Variants in MGAT4C observed in about 807,000 individuals in gnomAD.
MGAT4C encodes the protein alpha-1,3-mannosyl-glycoprotein 4-beta-N-acetylglucosaminyltransferase C.
A neutral mutation model predicts 40.1 loss-of-function variants in MGAT4C; 19 were observed. The observed-to-expected ratio is 0.47, with a 90% CI of 0.33 to 0.70. MGAT4C has a LOEUF of 0.70. Among genes scored for constraint, MGAT4C ranks in the 30% least tolerant of loss-of-function variants. The pLI is 0.02. For missense variants in MGAT4C, 491 were observed against 563.2 expected, an observed-to-expected ratio of 0.87 and a Z score of 1.30; for synonymous variants, 181 against 187.1, an observed-to-expected ratio of 0.97 and a Z score of 0.27.
At chr12:86,567,591 A>G (rs1317794038) in intron 2 of MGAT4C, among the ~76,000 whole-genome samples, 1 of 152,278 alleles carries the variant, frequency 6.6e-6, no homozygotes, top group South Asian at 2.1e-4. Context: ...AGCCCACTCC[A>G]GGCAGGACTA....
intron 2 of MGAT4C, among the ~76,000 whole-genome samples, chr12:86,701,470 A>C (rs559068540): frequency 1.3e-5 from 2 of 152,266 alleles, no homozygotes; most frequent in Non-Finnish European, 2.9e-5. Context: ...TACCCATATA[A>C]GACAGTAAAC....
chr12:86,730,583 A>C (rs1328827329), intron 1 of MGAT4C, among the ~76,000 whole-genome samples: 1 of 152,100 alleles, frequency 6.6e-6, no homozygotes, highest in Non-Finnish European at 1.5e-5. Flanking sequence ...TATTGACATA[A>C]AAAGATCAGA....
At chr12:86,611,973 C>A (rs1962297384) in intron 2 of MGAT4C, among the ~76,000 whole-genome samples, 1 of 152,016 alleles carries the variant, frequency 6.6e-6, no homozygotes, top group Non-Finnish European at 1.5e-5. Context: ...GTGGAAACAT[C>A]AGGAAAAAGC....
chr12:86,466,518 G>A (rs1429522423), intron 2 of MGAT4C, among the ~76,000 whole-genome samples: 1 of 152,188 alleles, frequency 6.6e-6, no homozygotes, highest in African/African-American at 2.4e-5. Flanking sequence ...AAAAAGTCAG[G>A]TGATTGCCAG....
At position 86,501,901 on chromosome 12, in the gene MGAT4C, G is replaced by A. The variant is rs562744390; in HGVS notation, c.-228-66636C>T. The stretch of plus-strand genomic sequence containing the variant: ...ATGATATTTCTATTTCTAAATCTTC[G>A]AGGAATTGCCACACTGTCTACCATA... On this transcript the variant is annotated intron_variant, in intron 2 of 7. Transcript: ENST00000548651. Among the ~76,000 whole-genome samples, 9 of 152,028 alleles carry A rather than the reference G, an allele frequency of 5.9e-5. No individual in the cohort carries two copies. The East Asian group carries it at 1.7e-3, about 29-fold the overall frequency.
intron 2 of MGAT4C, among the ~76,000 whole-genome samples, chr12:86,497,941 T>C (rs1160356578): frequency 6.9e-6 from 1 of 145,004 alleles, no homozygotes; most frequent in Non-Finnish European, 1.5e-5. Context: ...TAATATTATA[T>C]ATAATATATA....
chr12:86,344,223 T>G (rs1025044257), intron 3 of MGAT4C, among the ~76,000 whole-genome samples: 1 of 152,212 alleles, frequency 6.6e-6, no homozygotes, highest in Non-Finnish European at 1.5e-5. Context: ...ATGGATGGAC[T>G]CAATACATTT....
intron 1 of MGAT4C, among the ~76,000 whole-genome samples, chr12:86,150,211 A>G (rs1356397679): frequency 6.6e-6 from 1 of 152,178 alleles, no homozygotes; most frequent in African/African-American, 2.4e-5. Flanking sequence ...CTTACAAGAC[A>G]TGAACAGACA....
chr12:86,807,986 A>C (rs914870908), intron 1 of MGAT4C, among the ~76,000 whole-genome samples: 1 of 146,538 alleles, frequency 6.8e-6, no homozygotes, highest in Non-Finnish European at 1.5e-5. Context: ...TTTTCTTATA[A>C]ATTTGTTTAA....
intron 2 of MGAT4C, among the ~76,000 whole-genome samples, chr12:86,439,567 AC>A (rs1957192854): frequency 6.6e-6 from 1 of 152,098 alleles, no homozygotes; most frequent in Admixed American, 6.6e-5. Flanking sequence ...ACCACAAGAA[AC>A]TACATAAACA....
rs533018022 is a variant in MGAT4C, at chr12:86,605,411, T to C, written c.-229+121798A>G. Among the ~76,000 whole-genome samples the C allele has an allele frequency of 3.9e-5, 6 of 152,152 alleles. No individual in the cohort carries two copies. The South Asian group carries it at 8.3e-4, about 21-fold the overall frequency. ...CGATGAGTAAACATGACCACTGGCA[T>C]ATGTAGATCAACTCGGCAGCCTGTT... On this transcript the variant is annotated intron_variant, in intron 2 of 7. Coordinates refer to the MGAT4C transcript ENST00000548651.
At chr12:86,172,304 C>T (rs1013338762) in intron 1 of MGAT4C, among the ~76,000 whole-genome samples, 1 of 152,100 alleles carries the variant, frequency 6.6e-6, no homozygotes, top group African/African-American at 2.4e-5. Context: ...TAAATTTCTT[C>T]ATCTACATAA....
At chr12:86,467,336 A>G (rs1957696101) in intron 2 of MGAT4C, among the ~76,000 whole-genome samples, 1 of 152,066 alleles carries the variant, frequency 6.6e-6, no homozygotes, top group South Asian at 2.1e-4. Flanking sequence ...ACAACAAATT[A>G]AACAAAAAAT....
chr12:86,299,459 T>C (rs1037171036), intron 4 of MGAT4C, among the ~76,000 whole-genome samples: 1 of 152,176 alleles, frequency 6.6e-6, no homozygotes, highest in Admixed American at 6.5e-5. Context: ...CTTTTATATA[T>C]TGGTAAATAA....
In MGAT4C at chr12:85,956,323, T is replaced by G. The variant is rs1882790678; in HGVS notation, c.*22966A>C. The G allele has an allele frequency of 6.6e-6, 1 of 152,212 alleles. No homozygotes were observed. Among genetic ancestry groups the G allele is most frequent in the Non-Finnish European group, 1.5e-5 (1 of 68,022 alleles). 9.4% of individuals were successfully genotyped at this position (152,212 alleles called of 1,614,324 possible). On this transcript the variant is annotated 3_prime_UTR_variant, in exon 5 of 5. Transcript: ENST00000611864. ...AAACTGAAAGTGTTGATTTATTTAT[T>G]ACTTGGTTTTGTTGAAAAAACTAGG...
At chr12:86,462,697 G>A (rs942888124) in intron 2 of MGAT4C, among the ~76,000 whole-genome samples, 15 of 152,144 alleles carry the variant, frequency 9.9e-5, no homozygotes, top group Non-Finnish European at 5.9e-5. Flanking sequence ...GCCCTGGCAA[G>A]CCACTAGTGT....
intron 3 of MGAT4C, among the ~76,000 whole-genome samples, chr12:86,337,362 C>T (rs551706169): frequency 1.5e-4 from 23 of 151,560 alleles, no homozygotes; most frequent in Admixed American, 1.1e-3. Flanking sequence ...TTTGAGAGTC[C>T]GAGGAAGGTG....
At chr12:86,270,478 A>G (rs982638786) in intron 4 of MGAT4C, among the ~76,000 whole-genome samples, 4 of 152,146 alleles carry the variant, frequency 2.6e-5, no homozygotes, top group Non-Finnish European at 4.4e-5. Context: ...TATGAATTTG[A>G]CTACTCTAGG....
At chr12:86,520,122 T>C (rs188486413) in intron 2 of MGAT4C, among the ~76,000 whole-genome samples, 2 of 152,310 alleles carry the variant, frequency 1.3e-5, no homozygotes, top group Admixed American at 6.5e-5. Context: ...ATGGGTAAAC[T>C]TGTGTCATGG....
Sources: allele counts gnomAD v4.1 joint callset (sites outside exome capture counted in the v4.1 genomes callset), GRCh38; gene constraint gnomAD v4.1.1; transcripts MANE v1.5; gene names NCBI Gene and HGNC (gene_info 2026-07-23, HGNC 2026-07-21).